Variants in NEBL observed in about 807,000 individuals in gnomAD.
The protein encoded by NEBL is LIM and SH3 protein 2.
Under a neutral mutation model 140.2 loss-of-function variants are expected in NEBL, and 122 were observed. The ratio of observed to expected loss-of-function variants is 0.87; its 90% CI spans 0.75 to 1.01. NEBL has a LOEUF of 1.01. Ranked by LOEUF, NEBL falls within the 50% of genes least tolerant of loss-of-function variation. The pLI is 0.00. For synonymous variants in NEBL, 436 were observed against 398.9 expected (o/e 1.09, Z -1.11); for missense variants, 1,365 against 1,231.3 (o/e 1.11, Z -1.62).
intron 2 of NEBL, among the ~76,000 whole-genome samples, chr10:20,894,981 A>AG (rs2131399217): frequency 6.6e-6 from 1 of 151,922 alleles, no homozygotes; most frequent in Non-Finnish European, 1.5e-5. Context: ...CCTAAATTTA[A>AG]GTAGTACATT....
At chr10:20,919,535 T>C (rs1833475279) in intron 4 of NEBL, among the ~76,000 whole-genome samples, 1 of 152,130 alleles carries the variant, frequency 6.6e-6, no homozygotes, top group African/African-American at 2.4e-5. Flanking sequence ...TAGAATGAGA[T>C]AAACAGTCCA....
chr10:20,978,867 C>T (rs894992489), intron 3 of NEBL, among the ~76,000 whole-genome samples: 2 of 151,988 alleles, frequency 1.3e-5, no homozygotes, highest in African/African-American at 2.4e-5. Context: ...TCCATATCTA[C>T]CCCTAGAAAG....
intron 17 of NEBL, among the ~76,000 whole-genome samples, chr10:20,827,527 C>A (rs1839991956): frequency 6.6e-6 from 1 of 152,150 alleles, no homozygotes; most frequent in Non-Finnish European, 1.5e-5. Flanking sequence ...AATGACTGAG[C>A]TAATTCTATG....
intron 4 of NEBL, among the ~76,000 whole-genome samples, chr10:20,886,724 C>T (rs1846554609): frequency 1.3e-5 from 2 of 152,138 alleles, no homozygotes; most frequent in South Asian, 2.1e-4. Context: ...CTCAGTGCTT[C>T]GGTCTCCACA....
chr10:20,995,102 C>G (rs977131124), intron 3 of NEBL, among the ~76,000 whole-genome samples: 1 of 152,134 alleles, frequency 6.6e-6, no homozygotes, highest in Non-Finnish European at 1.5e-5. Context: ...GCATGGGGAC[C>G]CCCCTCACCT....
chr10:21,263,568 G>A (rs1842765054), intron 1 of NEBL, among the ~76,000 whole-genome samples: 1 of 152,078 alleles, frequency 6.6e-6, no homozygotes. Context: ...ATCTCCCCGG[G>A]GGTTAGTTTT....
chr10:21,286,015 T>C (rs932992148), intron 1 of NEBL, among the ~76,000 whole-genome samples: 1 of 152,234 alleles, frequency 6.6e-6, no homozygotes, highest in Non-Finnish European at 1.5e-5. Flanking sequence ...GCTTTTTACA[T>C]CACCGCTCAT....
intron 2 of NEBL, chr10:21,029,004 G>A (rs745753794): frequency 1.1e-5 from 7 of 648,522 alleles, no homozygotes; most frequent in South Asian, 6.0e-5. Flanking sequence ...CCAACATGGC[G>A]GCCTCAGCAA....
At chr10:21,218,696 A>G (rs930338736) in intron 3 of NEBL, among the ~76,000 whole-genome samples, 3 of 152,188 alleles carry the variant, frequency 2.0e-5, no homozygotes, top group Non-Finnish European at 4.4e-5. Context: ...ATTTATCGAT[A>G]TCTACATGCA....
At position 20,931,063 on chromosome 10, in the gene NEBL, T is replaced by C. The variant is rs553395396; in HGVS notation, c.357+30609A>G. Among the ~76,000 whole-genome samples, 7 of 152,258 alleles carry C rather than the reference T, an allele frequency of 4.6e-5. No individual in the cohort carries two copies. In the South Asian group the frequency reaches 1.4e-3, roughly 32 times the overall value. On this transcript the variant is annotated intron_variant, in intron 4 of 6. Coordinates refer to the NEBL transcript ENST00000417816. Reference sequence around the variant, plus strand: ...CACAACTCTGAGCAAGCCAGTCCTTTCAGATTCACACCTCAGTCATTCATA... The same window carrying C: ...CACAACTCTGAGCAAGCCAGTCCTTCCAGATTCACACCTCAGTCATTCATA...
chr10:20,894,530 A>G (rs887519770), intron 2 of NEBL, among the ~76,000 whole-genome samples: 6 of 151,944 alleles, frequency 3.9e-5, no homozygotes, highest in Non-Finnish European at 4.4e-5. Flanking sequence ...AAGAAGAGAA[A>G]AAGGAAAAAA....
At chr10:20,905,459 AG>A (rs1216424169) in intron 4 of NEBL, among the ~76,000 whole-genome samples, 1 of 152,176 alleles carries the variant, frequency 6.6e-6, no homozygotes, top group East Asian at 1.9e-4. Context: ...CAGCAAGAGC[AG>A]GGAAAACTGC....
At chr10:21,262,519 A>G (rs1842752065) in intron 1 of NEBL, among the ~76,000 whole-genome samples, 1 of 152,246 alleles carries the variant, frequency 6.6e-6, no homozygotes, top group South Asian at 2.1e-4. Flanking sequence ...GAAGGAAAGC[A>G]AAATGTATCT....
intron 3 of NEBL, among the ~76,000 whole-genome samples, chr10:20,983,786 C>T (rs1315724930): frequency 6.6e-6 from 1 of 152,130 alleles, no homozygotes; most frequent in Admixed American, 6.5e-5. Context: ...CAGGAAAATG[C>T]TACACATGAC....
At chr10:20,907,653 G>C (rs1848151037) in intron 4 of NEBL, among the ~76,000 whole-genome samples, 1 of 152,120 alleles carries the variant, frequency 6.6e-6, no homozygotes, top group African/African-American at 2.4e-5. Context: ...TTTTAATAAA[G>C]AGGTTGGCAT....
At position 20,890,481 on chromosome 10, in the gene NEBL, C is replaced by T. The variant is rs1036932016; in HGVS notation, c.154-532G>A. Among the ~76,000 whole-genome samples, 10 of 152,206 alleles carry T rather than the reference C, an allele frequency of 6.6e-5. No homozygotes were observed. The South Asian group carries it at 8.3e-4, about 13-fold the overall frequency. On this transcript the variant is annotated intron_variant, in intron 2 of 27. Coordinates refer to ENST00000377122, the MANE Select transcript of NEBL (RefSeq NM_006393.3). ...AGGAAGAGGCTTAAATTGTGGCCAA[C>T]GTGGGCTTCCTGTTACTAATTCCTC... is the stretch of plus-strand genomic sequence containing the variant.
At chr10:21,009,905 G>C (rs1373553152) in intron 3 of NEBL, among the ~76,000 whole-genome samples, 1 of 152,120 alleles carries the variant, frequency 6.6e-6, no homozygotes, top group African/African-American at 2.4e-5. Context: ...TACTTCATGA[G>C]AGTTTAAACA....
intron 26 of NEBL, chr10:20,793,434 CA>C (rs1197024727): frequency 2.5e-6 from 2 of 802,020 alleles, no homozygotes; most frequent in Non-Finnish European, 3.0e-6. Flanking sequence ...CAGTTACTTG[CA>C]GTGTTTTCAA....
intron 1 of NEBL, among the ~76,000 whole-genome samples, chr10:21,268,350 G>A (rs1054390118): frequency 1.3e-5 from 2 of 152,044 alleles, no homozygotes; most frequent in African/African-American, 4.8e-5. Context: ...TGGCATGGTG[G>A]TATGCACCTG....
Sources: allele counts gnomAD v4.1 joint callset (sites outside exome capture counted in the v4.1 genomes callset), GRCh38; gene constraint gnomAD v4.1.1; transcripts MANE v1.5; gene names NCBI Gene and HGNC (gene_info 2026-07-23, HGNC 2026-07-21).